PLD1: variants seen among roughly 807,000 people sequenced by gnomAD.
The protein encoded by PLD1 is phospholipase D1, also known as choline phosphatase 1.
PLD1 carries 112 observed loss-of-function variants against 137.1 expected under a neutral mutation model. The ratio of observed to expected loss-of-function variants is 0.82; its 90% CI spans 0.70 to 0.96. The LOEUF is 0.96. PLD1 is among the 40% of genes least tolerant of loss of function. The pLI, the probability that PLD1 is intolerant of heterozygous loss-of-function variation, is 0.00. For synonymous variants in PLD1, 431 were observed against 454.7 expected, an observed-to-expected ratio of 0.95 and a Z score of 0.66; for missense variants, 1,321 against 1,342.0, an observed-to-expected ratio of 0.98 and a Z score of 0.24.
chr3:171,635,987 T>C (rs1735092310), intron 23 of PLD1, among the ~76,000 whole-genome samples: 1 of 104,460 alleles, frequency 9.6e-6, no homozygotes, highest in South Asian at 2.6e-4. Context: ...TTTTTTTTTT[T>C]TTTTTTTTTT....
At chr3:171,624,016 AT>A (rs1733871671) in intron 23 of PLD1, among the ~76,000 whole-genome samples, 1 of 150,210 alleles carries the variant, frequency 6.7e-6, no homozygotes, top group Non-Finnish European at 1.5e-5. Flanking sequence ...AAAAAAAAAG[AT>A]TTGTAAATTG....
intron 8 of PLD1, among the ~76,000 whole-genome samples, chr3:171,718,418 T>A (rs529856589): frequency 2.6e-5 from 4 of 152,316 alleles, no homozygotes. Context: ...CCGTTCCTAC[T>A]GAAACTACTC....
chr3:171,764,930 A>AAAGAAAGAAAGAAAGGAAGG, intron 1 of PLD1, among the ~76,000 whole-genome samples: 1 of 27,622 alleles, frequency 3.6e-5, no homozygotes, highest in Admixed American at 3.6e-4. Flanking sequence ...GAAAGGAAAG[A>AAAGAAAGAAAGAAAGGAAGG]AAGGAAAGAA....
At chr3:171,663,224 C>T (rs141471798) in intron 19 of PLD1, among the ~76,000 whole-genome samples, 706 of 152,272 alleles carry the variant, frequency 4.6e-3, no homozygotes, top group African/African-American at 0.016. Flanking sequence ...TCTTTCTCAT[C>T]GCTCACATTG....
chr3:171,649,230 TCA>T (rs1736524365), intron 21 of PLD1, among the ~76,000 whole-genome samples: 1 of 152,206 alleles, frequency 6.6e-6, no homozygotes. Flanking sequence ...ATCAGAATAT[TCA>T]CATTTTCTTG....
chr3:171,618,325 G>A (rs567521320), intron 24 of PLD1, among the ~76,000 whole-genome samples: 2 of 152,318 alleles, frequency 1.3e-5, no homozygotes, highest in South Asian at 4.1e-4. Context: ...TTAACTGTTA[G>A]CTCTGTTACC....
chr3:171,801,009 T>C (rs1297005414), intron 1 of PLD1, among the ~76,000 whole-genome samples: 1 of 152,220 alleles, frequency 6.6e-6, no homozygotes, highest in Non-Finnish European at 1.5e-5. Flanking sequence ...ACCACTGTAC[T>C]GCCCTGAAAC....
At chr3:171,752,960 G>T (rs1223196716) in intron 1 of PLD1, among the ~76,000 whole-genome samples, 1 of 152,174 alleles carries the variant, frequency 6.6e-6, no homozygotes, top group African/African-American at 2.4e-5. Flanking sequence ...GCACTGAGAA[G>T]ACAGAGGCTC....
chr3:171,642,457 C>CAAAAAA (rs1230947984), intron 23 of PLD1, among the ~76,000 whole-genome samples: 26 of 32,938 alleles, frequency 7.9e-4, no homozygotes, highest in African/African-American at 1.9e-3. Context: ...AACCCAGTCT[C>CAAAAAA]AAAAAAAAAA....
Position 171,700,358 on chromosome 3 carries a change from CCTCT to C in PLD1, c.1146-536_1146-533del, listed in dbSNP as rs72073862. 6.8e-3 allele frequency among the ~76,000 whole-genome samples: 1,032 copies of C among 151,132 alleles called. 12 individuals are homozygous for C. Among genetic ancestry groups the C allele is most frequent in the African/African-American group, 0.02 (810 of 41,150 alleles). On this transcript the variant is annotated intron_variant, in intron 11 of 26. Transcript: ENST00000351298. ...CACTCTCTCTCTCTCTCTCCCTCTCCCTCTCTTTCGCTCTCTCTCCCTCCCTCTC... is the reference window on the plus strand; with the variant it reads ...CACTCTCTCTCTCTCTCTCCCTCTCCCTTTCGCTCTCTCTCCCTCCCTCTC...
intron 24 of PLD1, among the ~76,000 whole-genome samples, chr3:171,616,783 C>A (rs1393876740): frequency 6.6e-6 from 1 of 152,164 alleles, no homozygotes; most frequent in African/African-American, 2.4e-5. Context: ...GTGGGACTCA[C>A]GCTGAATTTC....
At chr3:171,767,883 C>G (rs781735740) in intron 1 of PLD1, among the ~76,000 whole-genome samples, 3 of 151,986 alleles carry the variant, frequency 2.0e-5, no homozygotes, top group Non-Finnish European at 4.4e-5. Context: ...TTTGAGGTTG[C>G]AGTGAGCAGT....
chr3:171,807,285 A>G lies in PLD1; in HGVS notation c.-32+3114T>C, dbSNP rs992475926. ...ACTCCAACCTGGGCAACAGAGTGAG[A>G]CCCTGTCTCAAAAAAAAAAGTTTAA... On this transcript the variant is annotated intron_variant, in intron 1 of 26. Coordinates refer to ENST00000351298, the MANE Select transcript of PLD1 (RefSeq NM_002662.5). 2.8e-5 allele frequency among the ~76,000 whole-genome samples: 4 copies of G among 144,250 alleles called. No homozygotes were observed. The East Asian group carries it at 8.2e-4, about 30-fold the overall frequency. The allele number at this position is 144,250 out of a possible 152,430, so 94.6% of individuals were successfully genotyped here.
chr3:171,607,621 G>A (rs1439942609), intron 25 of PLD1, among the ~76,000 whole-genome samples: 1 of 152,072 alleles, frequency 6.6e-6, no homozygotes, highest in African/African-American at 2.4e-5. Flanking sequence ...TTATGTTGAT[G>A]TATTTAATGA....
At chr3:171,604,504 T>C (rs1732057395) in intron 26 of PLD1, among the ~76,000 whole-genome samples, 1 of 152,094 alleles carries the variant, frequency 6.6e-6, no homozygotes, top group South Asian at 2.1e-4. Context: ...AACACAGACT[T>C]ATCCAACTTC....
At chr3:171,676,348 C>T (rs1328039905) in intron 18 of PLD1, among the ~76,000 whole-genome samples, 1 of 152,020 alleles carries the variant, frequency 6.6e-6, no homozygotes, top group Non-Finnish European at 1.5e-5. Flanking sequence ...CTTTAAAGCT[C>T]AAGCCCTCTC....
chr3:171,676,882 GCA>G, intron 17 of PLD1, 49 bp from the exon 18 acceptor site: 1 of 1,299,784 alleles, frequency 7.7e-7, no homozygotes, highest in South Asian at 1.2e-5. Context: ...CAGTGTTGGG[GCA>G]AAGTCTCTCT....
At position 171,691,774 on chromosome 3, in the gene PLD1, C is replaced by T. The variant is rs1425349636; in HGVS notation, c.1338+558G>A. On this transcript the variant is annotated intron_variant, in intron 13 of 26. Transcript: ENST00000351298. ...ACAATTGTTACATATTTTAAGCCTG[C>T]TGGAGGTTTGTTAATTCATTATGTC... Among the ~76,000 whole-genome samples, 6 of 152,130 alleles carry T rather than the reference C, an allele frequency of 3.9e-5. No homozygotes were observed. In the East Asian group the frequency reaches 1.2e-3, roughly 29 times the overall value.
chr3:171,694,948 T>G (rs533059430), intron 12 of PLD1, among the ~76,000 whole-genome samples: 1 of 152,164 alleles, frequency 6.6e-6, no homozygotes, highest in Non-Finnish European at 1.5e-5. Flanking sequence ...AAATGACCAA[T>G]GAGGAAGCAA....
Sources: gnomAD v4.1 joint callset for allele counts (sites outside exome capture counted in the v4.1 genomes callset) on GRCh38, gnomAD v4.1.1 for gene constraint, MANE v1.5 for transcripts, NCBI Gene and HGNC (gene_info 2026-07-23, HGNC 2026-07-21) for gene names.